Variants in IQGAP3 observed in about 807,000 individuals in gnomAD.
The protein encoded by IQGAP3 is IQ motif containing GTPase activating protein 3, also known as ras GTPase-activating-like protein IQGAP3.
A neutral mutation model predicts 208.2 loss-of-function variants in IQGAP3; 165 were observed. That is an observed-to-expected ratio of 0.79 (90% CI 0.70 to 0.90). IQGAP3 has a LOEUF of 0.90. Ranked by LOEUF, IQGAP3 falls within the 40% of genes least tolerant of loss-of-function variation. The pLI, the probability that IQGAP3 is intolerant of heterozygous loss-of-function variation, is 0.00. For missense variants in IQGAP3, 1,811 were observed against 2,043.1 expected (o/e 0.89, Z 2.19); for synonymous variants, 703 against 803.6 (o/e 0.87, Z 2.12).
intron 32 of IQGAP3, among the ~76,000 whole-genome samples, chr1:156,532,218 C>T (rs537357868): frequency 2.0e-4 from 31 of 151,982 alleles, no homozygotes; most frequent in Non-Finnish European, 4.3e-4. Flanking sequence ...GAAACCCCAT[C>T]TCTACTAAAA....
intron 13 of IQGAP3, among the ~76,000 whole-genome samples, chr1:156,553,373 A>G (rs1283341399): frequency 6.6e-6 from 1 of 152,120 alleles, no homozygotes; most frequent in African/African-American, 2.4e-5. Context: ...TGAACACACC[A>G]TGCACATTGC....
At chr1:156,556,502 G>T in intron 12 of IQGAP3, 31 bp downstream of exon 12, 1 of 1,612,496 alleles carries the variant, frequency 6.2e-7, no homozygotes, top group Non-Finnish European at 8.5e-7. Flanking sequence ...CATGGAGACT[G>T]CAGAGCTAGA....
chr1:156,559,360 A>G (rs1676042753), intron 11 of IQGAP3, among the ~76,000 whole-genome samples: 1 of 152,210 alleles, frequency 6.6e-6, no homozygotes, highest in Admixed American at 6.5e-5. Context: ...AGTAAGCTTA[A>G]AAGGGGCTGT....
Position 156,548,194 on chromosome 1 carries a change from T to C in IQGAP3, c.2183A>G (p.Lys728Arg). 6.2e-7 allele frequency: 1 copy of C among 1,614,104 alleles called. No individual in the cohort carries two copies. The highest frequency in any genetic ancestry group is 2.2e-5 in the East Asian group (1 of 44,876). Residue 728 changes from lysine (K) to arginine (R), a missense_variant, in exon 19 of 38, where the codon AAA becomes AGA. Transcript: ENST00000361170. ...TAAYDRQQLW[K>R]ANVGFVIQLQ... ...CTGGATAACAAAGCCGACGTTGGCT[T>C]TCCAGAGCTGTTGGCGGTCATAGGC... is the stretch of plus-strand genomic sequence containing the variant.
At chr1:156,547,990 G>T (rs1675344200) in intron 19 of IQGAP3, 83 bp downstream of exon 19, 2 of 1,257,272 alleles carry the variant, frequency 1.6e-6, no homozygotes, top group African/African-American at 1.5e-5. Context: ...TCATTCCCAT[G>T]TCAGTAAAAA....
At chr1:156,549,698 G>A (rs763822145) in intron 16 of IQGAP3, among the ~76,000 whole-genome samples, 1 of 152,072 alleles carries the variant, frequency 6.6e-6, no homozygotes, top group Non-Finnish European at 1.5e-5. Context: ...TCTTAGAAGA[G>A]AGCCTAAGAG....
chr1:156,563,769 C>T lies in IQGAP3; in HGVS notation c.493G>A (p.Val165Met). The change falls in exon 6 of 38, where the codon GTG (valine) becomes ATG (methionine). Residue 165 changes from valine (V) to methionine (M), a missense_variant. Coordinates refer to ENST00000361170, the MANE Select transcript of IQGAP3 (RefSeq NM_178229.5). Reference sequence around the variant, plus strand: ...GAGCTGGGCTTACCTGTGAATTTCACTTTCCCGTATAGATCATGTATCTGA... The same window carrying T: ...GAGCTGGGCTTACCTGTGAATTTCATTTTCCCGTATAGATCATGTATCTGA... ...APQIHDLYGK[V>M]KFTAEELSNM... 6.2e-7 allele frequency: 1 copy of T among 1,614,024 alleles called. No individual in the cohort carries two copies.
chr1:156,568,026 C>T (rs1557948452), intron 2 of IQGAP3, among the ~76,000 whole-genome samples: 2 of 152,160 alleles, frequency 1.3e-5, no homozygotes, highest in Non-Finnish European at 1.5e-5. Context: ...TTGAACTTAG[C>T]ATCACTAAAA....
chr1:156,528,938 C>G lies in IQGAP3; in HGVS notation c.4549G>C (p.Asp1517His). ...YYSQYIRACL[D>H]HLAPDSKSSG... ...TACTTGGAGTCGGGGGCCAGGTGGT[C>G]CAGGCAGGCCCGGATGTACTGGCTG... Residue 1517 changes from aspartate (D) to histidine (H), a missense_variant, in exon 35 of 38, where the codon GAC becomes CAC. By Grantham distance (81) the Asp-to-His change is moderately conservative. Transcript: ENST00000361170. 1.2e-6 allele frequency: 2 copies of G among 1,614,204 alleles called. No homozygotes were observed. Among genetic ancestry groups the G allele is most frequent in the Non-Finnish European group, 1.7e-6 (2 of 1,180,026 alleles).
At chr1:156,537,575 G>C (rs917499092) in intron 26 of IQGAP3, among the ~76,000 whole-genome samples, 10 of 152,180 alleles carry the variant, frequency 6.6e-5, no homozygotes, top group African/African-American at 2.4e-4. Context: ...GTGGAATCTA[G>C]GGACCCTTCT....
chr1:156,550,490 C>T, intron 15 of IQGAP3, 139 bp from the exon 16 acceptor site: 7 of 661,872 alleles, frequency 1.1e-5, no homozygotes, highest in Non-Finnish European at 1.9e-5. Flanking sequence ...AGCTCTCTGC[C>T]CTGTGTGTGG....
At chr1:156,540,208 A>G (rs1674910178) in intron 23 of IQGAP3, among the ~76,000 whole-genome samples, 2 of 152,110 alleles carry the variant, frequency 1.3e-5, no homozygotes, top group South Asian at 4.1e-4. Flanking sequence ...TGAGTCCCCA[A>G]AGAGAACTGG....
intron 8 of IQGAP3, 135 bp from the exon 9 acceptor site, chr1:156,562,800 G>T: frequency 1.2e-6 from 1 of 811,746 alleles, no homozygotes; most frequent in Non-Finnish European, 2.1e-6. Context: ...TCAGAATTCA[G>T]GAATTGTGGG....
chr1:156,562,386 C>T (rs753870693), intron 9 of IQGAP3, among the ~76,000 whole-genome samples: 3 of 152,112 alleles, frequency 2.0e-5, no homozygotes, highest in Non-Finnish European at 2.9e-5. Flanking sequence ...AGAAGCTTCC[C>T]GGACATGGAC....
rs776545556 is a variant in IQGAP3 at position 156,530,147 on chromosome 1, G to A, written c.4362C>T (p.Ser1454=). 2.7e-5 allele frequency: 44 copies of A among 1,609,318 alleles called. No homozygotes were observed. Among genetic ancestry groups the A allele is most frequent in the Admixed American group, 1.3e-4 (8 of 59,338 alleles). ...LRRLEALGLV[S]ARNGYQGLVD... is the part of the protein sequence containing the mutation. Reference sequence around the variant, plus strand: ...CTAGCCCCTGGTAGCCATTTCTGGCGCTGACCAACCCCAGGGCTTCAAGTC... The same window carrying A: ...CTAGCCCCTGGTAGCCATTTCTGGCACTGACCAACCCCAGGGCTTCAAGTC... Residue 1454 remains serine, a synonymous_variant, in exon 34 of 38, where the codon AGC becomes AGT. Coordinates refer to ENST00000361170, the MANE Select transcript of IQGAP3 (RefSeq NM_178229.5).
At chr1:156,561,110 C>A in intron 10 of IQGAP3, 89 bp from the exon 11 acceptor site, 1 of 840,802 alleles carries the variant, frequency 1.2e-6, no homozygotes, top group Admixed American at 1.8e-5. Context: ...CCCAGGTCTA[C>A]CCAGCCACCT....
chr1:156,550,492 T>C (rs1442967606), intron 15 of IQGAP3, 141 bp from the exon 16 acceptor site: 5 of 653,846 alleles, frequency 7.6e-6, no homozygotes, highest in Non-Finnish European at 1.1e-5. Context: ...CTCTCTGCCC[T>C]GTGTGTGGGC....
chr1:156,534,326 T>C (rs893153383), intron 29 of IQGAP3, among the ~76,000 whole-genome samples, 175 bp downstream of exon 29: 10 of 152,172 alleles, frequency 6.6e-5, no homozygotes, highest in Non-Finnish European at 1.0e-4. Flanking sequence ...TCTCTCTTAA[T>C]AGTCTCCTTT....
chr1:156,538,890 T>C lies in IQGAP3; in HGVS notation c.3200A>G (p.Lys1067Arg). 2.5e-6 allele frequency: 4 copies of C among 1,614,164 alleles called. No homozygotes were observed. The highest frequency in any genetic ancestry group is 3.4e-6 in the Non-Finnish European group (4 of 1,180,030). ...GKVIQDVLED[K>R]VLSVHTDPVH... Reference sequence around the variant, plus strand: ...AGGGTCTGTGTGGACGCTGAGCACTTTGTCTTCTAGCACATCCTGGATAAC... The same window carrying C: ...AGGGTCTGTGTGGACGCTGAGCACTCTGTCTTCTAGCACATCCTGGATAAC... Residue 1067 changes from lysine to arginine, a missense_variant, in exon 26 of 38, where the codon AAA becomes AGA. By Grantham distance (26) the Lys-to-Arg change is conservative. Transcript: ENST00000361170.
Sources: gnomAD v4.1 joint callset for allele counts (sites outside exome capture counted in the v4.1 genomes callset) on GRCh38, gnomAD v4.1.1 for gene constraint, MANE v1.5 for transcripts, NCBI Gene and HGNC (gene_info 2026-07-23, HGNC 2026-07-21) for gene names.